NBAS: variants seen among roughly 807,000 people sequenced by gnomAD.
NBAS encodes NBAS subunit of NRZ tethering complex, also known as NAG/BC035112 fusion.
A neutral mutation model predicts 302.5 loss-of-function variants in NBAS; 219 were observed. The observed-to-expected ratio is 0.72, with a 90% CI of 0.65 to 0.81. NBAS has a LOEUF of 0.81. Ranked by LOEUF, NBAS falls within the 30% of genes least tolerant of loss-of-function variation. The pLI, the probability that NBAS is intolerant of heterozygous loss-of-function variation, is 0.00. For missense variants in NBAS, 2,932 were observed against 2,841.6 expected, an observed-to-expected ratio of 1.03 and a Z score of -0.72; for synonymous variants, 1,118 against 1,021.6, an observed-to-expected ratio of 1.09 and a Z score of -1.80.
chr2:14,958,109 C>T, the NBAS span, among the ~76,000 whole-genome samples: 1 of 152,224 alleles, frequency 6.6e-6, no homozygotes, highest in African/African-American at 2.4e-5. Context: ...GTCACCCAGC[C>T]AGGCTGTGAA....
intron 21 of NBAS, among the ~76,000 whole-genome samples, chr2:15,434,978 C>T (rs1275889991): frequency 1.3e-5 from 2 of 152,148 alleles, no homozygotes; most frequent in African/African-American, 4.8e-5. Context: ...ACCCTTATTT[C>T]ACATTACATG....
the NBAS span, among the ~76,000 whole-genome samples, chr2:15,045,347 C>T: frequency 1.3e-5 from 2 of 152,188 alleles, no homozygotes; most frequent in African/African-American, 2.4e-5. Flanking sequence ...CCATTCTTTG[C>T]ACATGTTTGG....
At chr2:15,093,274 G>T in the NBAS span, among the ~76,000 whole-genome samples, 2 of 152,086 alleles carry the variant, frequency 1.3e-5, no homozygotes, top group African/African-American at 2.4e-5. Context: ...AAATTAGTGG[G>T]TTGTGGTGGC....
chr2:15,431,638 T>C (rs573178680), intron 21 of NBAS, among the ~76,000 whole-genome samples: 159 of 152,222 alleles, frequency 1.0e-3, no homozygotes, highest in African/African-American at 3.6e-3. Context: ...AAGATTGGAA[T>C]ATAGCAATGG....
At chr2:15,464,933 T>C (rs1032675326) in intron 19 of NBAS, among the ~76,000 whole-genome samples, 11 of 152,346 alleles carry the variant, frequency 7.2e-5, no homozygotes, top group East Asian at 3.9e-4. Flanking sequence ...ACACTGATTA[T>C]CAGCATGGGC....
intron 30 of NBAS, 112 bp downstream of exon 30, chr2:15,379,490 G>C: frequency 9.7e-7 from 1 of 1,035,334 alleles, no homozygotes; most frequent in Non-Finnish European, 1.5e-6. Flanking sequence ...CCCATATAGT[G>C]TAGTCAATCT....
the NBAS span, among the ~76,000 whole-genome samples, chr2:15,158,578 C>T: frequency 3.9e-5 from 6 of 152,324 alleles, no homozygotes; most frequent in South Asian, 4.1e-4. Context: ...AGGGCAGCTG[C>T]GAAGCCCCAG....
chr2:14,988,259 C>T, the NBAS span, among the ~76,000 whole-genome samples: 3 of 152,098 alleles, frequency 2.0e-5, no homozygotes, highest in South Asian at 2.1e-4. Context: ...GGTTTATGTC[C>T]ATTTGTAAGA....
chr2:15,114,067 A>C, the NBAS span, among the ~76,000 whole-genome samples: 1 of 152,222 alleles, frequency 6.6e-6, no homozygotes, highest in Non-Finnish European at 1.5e-5. Flanking sequence ...AATTACAGGA[A>C]TCAATCAGCA....
intron 41 of NBAS, among the ~76,000 whole-genome samples, chr2:15,287,692 C>T (rs1211301567): frequency 6.6e-6 from 1 of 151,190 alleles, no homozygotes; most frequent in African/African-American, 2.4e-5. Context: ...GCATCCCGAA[C>T]ACCCGCAGAC....
intron 35 of NBAS, among the ~76,000 whole-genome samples, chr2:15,330,992 G>C (rs1672316348): frequency 6.6e-6 from 1 of 152,062 alleles, no homozygotes; most frequent in African/African-American, 2.4e-5. Flanking sequence ...ATTGGGAAAA[G>C]AGAAAAACCC....
At chr2:15,497,372 C>G (rs2160692) in intron 11 of NBAS, among the ~76,000 whole-genome samples, 94,983 of 151,934 alleles carry the variant, frequency 0.63, 30,423 homozygotes, top group Non-Finnish European at 0.68. Context: ...GATAGCCACA[C>G]AAGAAAAAAG....
chr2:15,233,937 C>A (rs1204141715), intron 46 of NBAS, among the ~76,000 whole-genome samples: 2 of 152,154 alleles, frequency 1.3e-5, no homozygotes, highest in Non-Finnish European at 2.9e-5. Flanking sequence ...CACAGAAAGT[C>A]CTTGATGCCT....
chr2:15,030,574 C>T, the NBAS span, among the ~76,000 whole-genome samples: 4 of 152,140 alleles, frequency 2.6e-5, no homozygotes, highest in Admixed American at 6.5e-5. Context: ...TCTCTTTCTG[C>T]CAGGATGACA....
At chr2:15,273,088 G>A (rs1324001471) in intron 44 of NBAS, among the ~76,000 whole-genome samples, 1 of 152,136 alleles carries the variant, frequency 6.6e-6, no homozygotes, top group African/African-American at 2.4e-5. Context: ...AGATGATCAT[G>A]CTGGCTTCCC....
intron 40 of NBAS, among the ~76,000 whole-genome samples, chr2:15,297,738 C>G (rs1233941252): frequency 6.6e-6 from 1 of 152,138 alleles, no homozygotes; most frequent in Admixed American, 6.5e-5. Flanking sequence ...AATACACTTG[C>G]CATTAGAGTC....
intron 44 of NBAS, 113 bp from the exon 45 acceptor site, chr2:15,238,799 C>A: frequency 1.1e-6 from 1 of 875,388 alleles, no homozygotes. Context: ...TGATTTTAAC[C>A]AATAAATAGC....
rs148713009 is a variant in NBAS, at chr2:15,392,980, C to G, written c.3257+1247G>C. Among the ~76,000 whole-genome samples the G allele has an allele frequency of 5.1e-3, 775 of 152,054 alleles. 8 individuals carry two copies. Among genetic ancestry groups the G allele is most frequent in the African/African-American group, 0.018 (744 of 41,516 alleles). ...CCCCATTTACACAGACAACAGATTT[C>G]AAGAAAACTGCAAAGGTAATTCAGT... On this transcript the variant is annotated intron_variant, in intron 28 of 51. Transcript: ENST00000281513.
chr2:15,461,080 C>A, intron 21 of NBAS, 121 bp downstream of exon 21: 2 of 946,894 alleles, frequency 2.1e-6, no homozygotes, highest in Non-Finnish European at 3.1e-6. Flanking sequence ...AATTTTTTAT[C>A]AGGAAAAAAG....
Sources: gnomAD v4.1 joint callset for allele counts (sites outside exome capture counted in the v4.1 genomes callset) on GRCh38, gnomAD v4.1.1 for gene constraint, MANE v1.5 for transcripts, NCBI Gene and HGNC (gene_info 2026-07-23, HGNC 2026-07-21) for gene names.